LEO1: variants seen among roughly 807,000 people sequenced by gnomAD.
LEO1 encodes LEO1 component of Paf1/RNA polymerase II complex, also known as RNA polymerase-associated protein LEO1.
In LEO1, 34 loss-of-function variants were observed where a neutral mutation model predicts 80.4. The ratio of observed to expected loss-of-function variants is 0.42; its 90% CI spans 0.32 to 0.56. The LOEUF (loss-of-function observed/expected upper bound fraction) is 0.56, where lower values mean the gene tolerates loss of function less well. Ranked by LOEUF, LEO1 falls within the 20% of genes least tolerant of loss-of-function variation. LEO1 has a pLI of 0.10. For synonymous variants in LEO1, 262 were observed against 274.9 expected (o/e 0.95, Z 0.46); for missense variants, 631 against 814.2 (o/e 0.77, Z 2.74).
Position 51,949,964 on chromosome 15 carries a change from G to A in LEO1, c.1642C>T (p.Arg548Cys), listed in dbSNP as rs371098824. 1.2e-6 allele frequency: 2 copies of A among 1,613,476 alleles called. No individual in the cohort carries two copies. The highest frequency in any genetic ancestry group is 2.2e-5 in the East Asian group (1 of 44,882). Reference protein sequence around the residue: ...KEEERLRASIRRESQQRRMRE... With the variant: ...KEEERLRASICRESQQRRMRE... ...ATTCGGCGCTGCTGAGATTCCCTAC[G>A]TATGGAAGCCCTCAAACGTTCTTCT... Residue 548 changes from arginine to cysteine, a missense_variant, in exon 10 of 12, where the codon CGT (arginine) becomes TGT (cysteine). Coordinates refer to ENST00000299601, the MANE Select transcript of LEO1 (RefSeq NM_138792.4).
At chr15:51,951,709 G>T in intron 9 of LEO1, 135 bp downstream of exon 9, 1 of 712,270 alleles carries the variant, frequency 1.4e-6, no homozygotes, top group Non-Finnish European at 2.3e-6. Flanking sequence ...CTGAGGAAAT[G>T]AATCCAGCTC....
chr15:51,955,648 A>T (rs1414300807), intron 6 of LEO1, among the ~76,000 whole-genome samples: 5 of 152,244 alleles, frequency 3.3e-5, no homozygotes, highest in African/African-American at 1.2e-4. Context: ...GAAGCCAACA[A>T]TGTGAAAACT....
chr15:51,945,357 C>T (rs967584688), intron 11 of LEO1, among the ~76,000 whole-genome samples: 3 of 151,484 alleles, frequency 2.0e-5, no homozygotes, highest in African/African-American at 7.3e-5. Context: ...CACAAGGCTC[C>T]AGCTTCAGCC....
intron 10 of LEO1, among the ~76,000 whole-genome samples, chr15:51,948,552 G>C (rs1475135352): frequency 6.6e-6 from 1 of 152,198 alleles, no homozygotes; most frequent in Non-Finnish European, 1.5e-5. Context: ...TCATGGGACA[G>C]TCAGAGAAAA....
intron 9 of LEO1, among the ~76,000 whole-genome samples, chr15:51,951,400 A>G (rs2056947716): frequency 6.6e-6 from 1 of 152,248 alleles, no homozygotes. Flanking sequence ...GAATGTTACA[A>G]ATTGACCTTA....
intron 6 of LEO1, 111 bp from the exon 7 acceptor site, chr15:51,954,686 G>GT (rs1308873162): frequency 4.2e-6 from 3 of 715,020 alleles, no homozygotes; most frequent in Non-Finnish European, 7.4e-6. Flanking sequence ...GGTGACAGAT[G>GT]TATGTGTGGC....
At chr15:51,945,400 C>CCCACCTCAGGG (rs2056891868) in intron 11 of LEO1, among the ~76,000 whole-genome samples, 1 of 152,090 alleles carries the variant, frequency 6.6e-6, no homozygotes, top group Admixed American at 6.6e-5. Context: ...CAGGCAGGTT[C>CCCACCTCAGGG]CCACCTCAGG....
At position 51,971,717 on chromosome 15, in the gene LEO1, C is replaced by G. The variant is rs2057125494; in HGVS notation, c.29G>C (p.Ser10Thr). Reference protein sequence around the residue: MADMEDLFGSDADSEAERKD... With the variant: MADMEDLFGTDADSEAERKD... ...ACGCTCAGCTTCGCTGTCGGCGTCG[C>G]TCCCGAAGAGATCCTCCATATCCGC... Residue 10 changes from serine (S) to threonine (T), a missense_variant, in exon 1 of 12, where the codon AGC becomes ACC. By Grantham distance (58) the Ser-to-Thr change is moderately conservative (BLOSUM62 1). Transcript: ENST00000299601. 2 of 1,614,098 alleles carry G rather than the reference C, an allele frequency of 1.2e-6. No individual in the cohort carries two copies. Among genetic ancestry groups the G allele is most frequent in the South Asian group, 2.2e-5 (2 of 91,090 alleles).
chr15:51,961,162 C>T (rs763708628), intron 3 of LEO1, among the ~76,000 whole-genome samples: 7 of 152,096 alleles, frequency 4.6e-5, no homozygotes, highest in Non-Finnish European at 7.4e-5. Context: ...GCAGGTGGAT[C>T]ACTTAAGGTC....
rs71130110 is a variant in LEO1 at position 51,945,262 on chromosome 15, C to CAAAAAAAAAAAAAAA, written c.1896+2015_1896+2029dup. 1.6e-3 allele frequency among the ~76,000 whole-genome samples: 127 copies of CAAAAAAAAAAAAAAA among 80,348 alleles called. 8 individuals are homozygous for CAAAAAAAAAAAAAAA. Among genetic ancestry groups the CAAAAAAAAAAAAAAA allele is most frequent in the East Asian group, 0.012 (22 of 1,798 alleles). The allele number at this position is 80,348 out of a possible 152,430, so 52.7% of individuals were successfully genotyped here. A position where few individuals can be genotyped will look rare whatever the true frequency, so the allele number is the denominator to read the frequency against. ...TGAAACCCCATCTCTACAAAAAATA[C>CAAAAAAAAAAAAAAA]AAAAAAAAAAAAAAAAAGCCTTACA... On this transcript the variant is annotated intron_variant, in intron 11 of 11. Coordinates refer to ENST00000299601, the MANE Select transcript of LEO1 (RefSeq NM_138792.4).
intron 1 of LEO1, among the ~76,000 whole-genome samples, chr15:51,966,709 G>A (rs1466960547): frequency 2.0e-5 from 3 of 152,062 alleles, no homozygotes; most frequent in Admixed American, 6.6e-5. Flanking sequence ...TCAGGAGTTC[G>A]AGACCAGCCT....
In LEO1 at chr15:51,971,576, G is replaced by A. The variant is rs1020230721; in HGVS notation, c.58+112C>T. ...CGGGAGTGCAGGGGGCGCTGAGGCA[G>A]GAGTGGAGGAAACGCCACCTCTTGC... is the stretch of plus-strand genomic sequence containing the variant. On this transcript the variant is annotated intron_variant, in intron 1 of 11. Transcript: ENST00000299601. 5 of 1,043,304 alleles carry A rather than the reference G, an allele frequency of 4.8e-6. No individual in the cohort carries two copies. The South Asian group carries it at 5.1e-5, about 11-fold the overall frequency. 64.6% of individuals were successfully genotyped at this position (1,043,304 alleles called of 1,614,324 possible).
chr15:51,959,820 C>A, intron 5 of LEO1, 79 bp downstream of exon 5: 1 of 1,313,696 alleles, frequency 7.6e-7, no homozygotes, highest in Non-Finnish European at 1.0e-6. Flanking sequence ...GATTTGTCAA[C>A]TCAATGCGAA....
intron 8 of LEO1, chr15:51,952,202 G>A (rs1265694251): frequency 1.2e-5 from 5 of 419,086 alleles, no homozygotes; most frequent in Middle Eastern, 1.2e-3. Context: ...CAGAAGGTTG[G>A]AGTAAAAAAG....
chr15:51,954,601 A>G, intron 6 of LEO1, 26 bp from the exon 7 acceptor site: 2 of 1,464,814 alleles, frequency 1.4e-6, no homozygotes, highest in Non-Finnish European at 9.6e-7. Context: ...AGTACTTTAG[A>G]AAATTATAGT....
chr15:51,954,235 T>A (rs958908862), intron 7 of LEO1, among the ~76,000 whole-genome samples: 1 of 151,094 alleles, frequency 6.6e-6, no homozygotes, highest in East Asian at 2.0e-4. Context: ...TTTTTTTTTT[T>A]AATAATCCAT....
At chr15:51,969,005 A>G (rs1033448302) in intron 1 of LEO1, among the ~76,000 whole-genome samples, 3 of 152,122 alleles carry the variant, frequency 2.0e-5, no homozygotes, top group African/African-American at 4.8e-5. Context: ...GTCTCGCTCT[A>G]TCCTTCAGGC....
At chr15:51,939,198 T>C (rs2056826812) in intron 11 of LEO1, among the ~76,000 whole-genome samples, 1 of 152,016 alleles carries the variant, frequency 6.6e-6, no homozygotes, top group African/African-American at 2.4e-5. Flanking sequence ...CAAAAATAAA[T>C]AAATAAATAA....
intron 4 of LEO1, among the ~76,000 whole-genome samples, chr15:51,960,307 A>C (rs1022857841): frequency 3.3e-5 from 5 of 152,360 alleles, no homozygotes; most frequent in Admixed American, 1.3e-4. Flanking sequence ...ACACTTCAAT[A>C]GGAAGTCACT....
Sources: gnomAD v4.1 joint callset for allele counts (sites outside exome capture counted in the v4.1 genomes callset) on GRCh38, gnomAD v4.1.1 for gene constraint, MANE v1.5 for transcripts, NCBI Gene and HGNC (gene_info 2026-07-23, HGNC 2026-07-21) for gene names.